DYNC1I1: variants seen among roughly 807,000 people sequenced by gnomAD.
DYNC1I1 encodes the protein cytoplasmic dynein 1 intermediate chain 1.
Under a neutral mutation model 86.6 loss-of-function variants are expected in DYNC1I1, and 43 were observed. That is an observed-to-expected ratio of 0.50 (90% CI 0.39 to 0.64). The LOEUF (loss-of-function observed/expected upper bound fraction) is 0.64, where lower values mean the gene tolerates loss of function less well. DYNC1I1 is among the 30% of genes least tolerant of loss of function. The pLI is 0.00. For missense variants in DYNC1I1, 604 were observed against 788.8 expected, an observed-to-expected ratio of 0.77 and a Z score of 2.81; for synonymous variants, 262 against 283.7, an observed-to-expected ratio of 0.92 and a Z score of 0.77.
At chr7:95,889,164 C>T (rs1227502797) in intron 6 of DYNC1I1, among the ~76,000 whole-genome samples, 1 of 152,102 alleles carries the variant, frequency 6.6e-6, no homozygotes, top group Non-Finnish European at 1.5e-5. Context: ...AAAATTGTTG[C>T]AAAGTGTGAA....
chr7:95,986,103 A>G (rs2157921), intron 8 of DYNC1I1, among the ~76,000 whole-genome samples: 11,998 of 149,082 alleles, frequency 0.08, 594 homozygotes, highest in Admixed American at 0.11. Flanking sequence ...GGAAGGGTTA[A>G]CAGAAAAAAA....
chr7:96,087,126 G>A (rs1419574209), intron 16 of DYNC1I1, among the ~76,000 whole-genome samples: 1 of 152,110 alleles, frequency 6.6e-6, no homozygotes, highest in Non-Finnish European at 1.5e-5. Flanking sequence ...TGTACTTTGT[G>A]GAACTCCTTC....
intron 6 of DYNC1I1, among the ~76,000 whole-genome samples, chr7:95,901,090 A>G (rs886113877): frequency 3.9e-5 from 6 of 152,212 alleles, no homozygotes; most frequent in African/African-American, 1.4e-4. Flanking sequence ...ATAACAAAGG[A>G]TCCCAACTAA....
At chr7:96,090,595 A>G (rs377288470) in intron 16 of DYNC1I1, among the ~76,000 whole-genome samples, 1 of 152,212 alleles carries the variant, frequency 6.6e-6, no homozygotes, top group East Asian at 1.9e-4. Context: ...CCTTTGGCAG[A>G]GAGGTCTGAA....
At chr7:95,995,856 C>G in intron 9 of DYNC1I1, 92 bp from the exon 10 acceptor site, 1 of 1,488,170 alleles carries the variant, frequency 6.7e-7, no homozygotes. Context: ...ACCATTTACA[C>G]TGTGTAGTAT....
chr7:95,929,994 G>A (rs941904535), intron 6 of DYNC1I1, among the ~76,000 whole-genome samples: 1 of 152,216 alleles, frequency 6.6e-6, no homozygotes, highest in Admixed American at 6.5e-5. Context: ...CCCAAGGAAA[G>A]GGTGACAGCA....
chr7:95,824,782 C>G (rs1349762152), intron 4 of DYNC1I1, among the ~76,000 whole-genome samples: 1 of 152,162 alleles, frequency 6.6e-6, no homozygotes, highest in Non-Finnish European at 1.5e-5. Context: ...CAACCCGGGG[C>G]CAGGAGTGCT....
At position 95,897,541 on chromosome 7, in the gene DYNC1I1, A is replaced by G. The variant is rs73710545; in HGVS notation, c.490+27543A>G. Among the ~76,000 whole-genome samples the G allele has an allele frequency of 7.1e-3, 1,084 of 152,190 alleles. 11 individuals are homozygous for G. Among genetic ancestry groups the G allele is most frequent in the African/African-American group, 0.025 (1,021 of 41,532 alleles). On this transcript the variant is annotated intron_variant, in intron 6 of 16. Transcript: ENST00000447467. ...AGAGCCTATTCAATAGGAGGCCTAGAGGGCAGGAAAGAAGAATTTAGCCCT... is the reference window on the plus strand; with the variant it reads ...AGAGCCTATTCAATAGGAGGCCTAGGGGGCAGGAAAGAAGAATTTAGCCCT...
In DYNC1I1 at chr7:96,076,042, C is replaced by T. The variant is rs769898450; in HGVS notation, c.1510-15C>T. 1.2e-5 allele frequency: 20 copies of T among 1,611,296 alleles called. No individual in the cohort carries two copies. The South Asian group carries it at 2.1e-4, about 17-fold the overall frequency. ...AGCAGCGCCACAAAGTCTTCACGGT[C>T]TCTCTGCTTTACAGCACAACAAGCC... On this transcript the variant is annotated splice_polypyrimidine_tract_variant and intron_variant, in intron 14 of 16. Transcript: ENST00000447467.
intron 6 of DYNC1I1, among the ~76,000 whole-genome samples, chr7:95,896,318 T>C (rs769515332): frequency 6.6e-6 from 1 of 152,192 alleles, no homozygotes; most frequent in Non-Finnish European, 1.5e-5. Context: ...GAGAGCGTCC[T>C]AAACATCATG....
At position 95,953,543 on chromosome 7, in the gene DYNC1I1, T is replaced by C. The variant is rs556530518; in HGVS notation, c.491-23969T>C. On this transcript the variant is annotated intron_variant, in intron 6 of 16. Coordinates refer to ENST00000447467, the MANE Select transcript of DYNC1I1 (RefSeq NM_001135556.2). ...ACATTGTTAAAAACAATTTTCACTG[T>C]AGGTATTGAATATCATACTGCGCTT... 2.0e-5 allele frequency among the ~76,000 whole-genome samples: 3 copies of C among 152,346 alleles called. No homozygotes were observed. In the South Asian group the frequency reaches 6.2e-4, roughly 32 times the overall value.
intron 6 of DYNC1I1, among the ~76,000 whole-genome samples, chr7:95,874,804 C>T (rs1562930050): frequency 6.6e-6 from 1 of 152,192 alleles, no homozygotes; most frequent in East Asian, 1.9e-4. Context: ...TTCCCAGCTT[C>T]CAGAACTGTG....
At chr7:95,862,933 A>G (rs1789926033) in intron 5 of DYNC1I1, among the ~76,000 whole-genome samples, 1 of 152,236 alleles carries the variant, frequency 6.6e-6, no homozygotes, top group African/African-American at 2.4e-5. Context: ...TAAATGTTAC[A>G]TAAATTGTTA....
chr7:95,785,775 GTATATA>G (rs200152096), intron 1 of DYNC1I1, among the ~76,000 whole-genome samples: 15,053 of 124,576 alleles, frequency 0.12, 1,040 homozygotes, highest in Admixed American at 0.17. Context: ...GTGTGTATGT[GTATATA>G]TATATATATA....
At chr7:95,880,838 GT>G (rs1195282382) in intron 6 of DYNC1I1, among the ~76,000 whole-genome samples, 2 of 151,728 alleles carry the variant, frequency 1.3e-5, no homozygotes, top group East Asian at 3.9e-4. Flanking sequence ...TAGAGATGGG[GT>G]TTCACCATAT....
chr7:96,097,475 CT>C lies in DYNC1I1; in HGVS notation c.1777-5del, dbSNP rs769828471. On this transcript the variant is annotated splice_region_variant and splice_polypyrimidine_tract_variant and intron_variant, in intron 16 of 16. Coordinates refer to ENST00000447467, the MANE Select transcript of DYNC1I1 (RefSeq NM_001135556.2). ...TGTTCATCATTTCTCCATTGATTTG[CT>C]TTGCAGCTTGCAGTTCCCCACAATG... The C allele has an allele frequency of 6.2e-7, 1 of 1,613,516 alleles. No individual in the cohort carries two copies. Among genetic ancestry groups the C allele is most frequent in the Non-Finnish European group, 8.5e-7 (1 of 1,179,590 alleles).
At chr7:96,091,607 A>T (rs1790849939) in intron 16 of DYNC1I1, among the ~76,000 whole-genome samples, 1 of 152,208 alleles carries the variant, frequency 6.6e-6, no homozygotes, top group Admixed American at 6.5e-5. Context: ...AGATATTTTT[A>T]CTATGAAAAA....
intron 6 of DYNC1I1, among the ~76,000 whole-genome samples, chr7:95,871,521 A>G (rs1424721743): frequency 6.6e-6 from 1 of 152,208 alleles, no homozygotes; most frequent in Non-Finnish European, 1.5e-5. Context: ...AGGTATTTGC[A>G]GAGCTGTAGC....
At chr7:96,096,645 T>C (rs149128603) in intron 16 of DYNC1I1, among the ~76,000 whole-genome samples, 421 of 152,248 alleles carry the variant, frequency 2.8e-3, no homozygotes, top group Middle Eastern at 0.017. Context: ...TCAGTTTGCA[T>C]TGGAGGAGGC....
Sources: gnomAD v4.1 joint callset for allele counts (sites outside exome capture counted in the v4.1 genomes callset) on GRCh38, gnomAD v4.1.1 for gene constraint, MANE v1.5 for transcripts, NCBI Gene and HGNC (gene_info 2026-07-23, HGNC 2026-07-21) for gene names.